The following DPP8 variants were observed in gnomAD, a reference collection of about 807,000 sequenced individuals.
The protein encoded by DPP8 is DPP VIII.
A neutral mutation model predicts 107.5 loss-of-function variants in DPP8; 31 were observed. The observed-to-expected ratio is 0.29, with a 90% CI of 0.22 to 0.39. DPP8 has a LOEUF of 0.39. Among genes scored for constraint, DPP8 ranks in the 10% least tolerant of loss-of-function variants. DPP8 has a pLI of 1.00. For missense variants in DPP8, 842 were observed against 1,076.1 expected, an observed-to-expected ratio of 0.78 and a Z score of 3.04; for synonymous variants, 381 against 356.6, an observed-to-expected ratio of 1.07 and a Z score of -0.77.
intron 4 of DPP8, among the ~76,000 whole-genome samples, chr15:65,499,711 C>T (rs2068996575): frequency 6.6e-6 from 1 of 151,294 alleles, no homozygotes; most frequent in African/African-American, 2.4e-5. Flanking sequence ...ACTACAGGCG[C>T]ATGCTACCTT....
chr15:65,479,486 CTTTA>C (rs1055469373), intron 10 of DPP8, among the ~76,000 whole-genome samples: 3 of 152,208 alleles, frequency 2.0e-5, no homozygotes, highest in South Asian at 2.1e-4. Context: ...AGTGAGATGG[CTTTA>C]TTTATTTTGT....
At position 65,451,876 on chromosome 15, in the gene DPP8, G is replaced by C. The variant is rs996877752; in HGVS notation, c.2414+84C>G. On this transcript the variant is annotated intron_variant, in intron 18 of 19. Transcript: ENST00000300141. ...GGAGTTTGACGCTGCAGGGAGCCCT[G>C]ATCATGCCACTACACTCCAGCCTAA... The C allele has an allele frequency of 1.7e-5, 23 of 1,363,566 alleles. No homozygotes were observed. In the African/African-American group the frequency reaches 3.0e-4, roughly 18 times the overall value. 84.5% of individuals were successfully genotyped at this position (1,363,566 alleles called of 1,614,324 possible).
At chr15:65,472,782 G>GT (rs1487544097) in intron 12 of DPP8, among the ~76,000 whole-genome samples, 5 of 152,178 alleles carry the variant, frequency 3.3e-5, no homozygotes, top group Admixed American at 6.6e-5. Context: ...GTTCACACCT[G>GT]TAACCTCAGC....
At chr15:65,463,679 A>G in intron 15 of DPP8, 82 bp downstream of exon 15, 1 of 1,230,192 alleles carries the variant, frequency 8.1e-7, no homozygotes, top group Admixed American at 2.2e-5. Context: ...AAAATCTTAA[A>G]CTGACTAGAC....
intron 17 of DPP8, among the ~76,000 whole-genome samples, chr15:65,452,868 A>G (rs2064092751): frequency 6.6e-6 from 1 of 152,088 alleles, no homozygotes; most frequent in African/African-American, 2.4e-5. Context: ...GTTACTTGGG[A>G]GGCTGAAGCA....
chr15:65,486,093 CAA>C (rs1210589966), intron 7 of DPP8, among the ~76,000 whole-genome samples: 2 of 91,476 alleles, frequency 2.2e-5, no homozygotes, highest in Admixed American at 1.2e-4. Flanking sequence ...GACTCTGTCT[CAA>C]AAAAAAAAAA....
At position 65,445,484 on chromosome 15, in the gene DPP8, A is replaced by C. The variant is rs1463530008; in HGVS notation, c.*1400T>G. On this transcript the variant is annotated 3_prime_UTR_variant, in exon 20 of 20. Coordinates refer to ENST00000300141, the MANE Select transcript of DPP8 (RefSeq NM_130434.5). ...GCCTATGAGCTCTCTTCATAGCTAAATCCTAGTGCTAAACCAAGAAAAGTT... is the reference window on the plus strand; with the variant it reads ...GCCTATGAGCTCTCTTCATAGCTAACTCCTAGTGCTAAACCAAGAAAAGTT... 20 of 153,552 alleles carry C rather than the reference A, an allele frequency of 1.3e-4. No individual in the cohort carries two copies. The allele number at this position is 153,552 out of a possible 1,614,324, so 9.5% of individuals were successfully genotyped here. A position where few individuals can be genotyped will look rare whatever the true frequency, so the allele number is the denominator to read the frequency against.
At chr15:65,466,476 T>C (rs1397303821) in intron 14 of DPP8, among the ~76,000 whole-genome samples, 1 of 152,132 alleles carries the variant, frequency 6.6e-6, no homozygotes, top group Non-Finnish European at 1.5e-5. Flanking sequence ...GACTTGCTGC[T>C]GCTTGGAGTG....
intron 2 of DPP8, among the ~76,000 whole-genome samples, chr15:65,508,357 G>A (rs1233191949): frequency 6.6e-6 from 1 of 152,100 alleles, no homozygotes. Flanking sequence ...AAATCTCTTT[G>A]TCCTTTATTG....
At chr15:65,454,953 A>G (rs1206246048) in intron 16 of DPP8, among the ~76,000 whole-genome samples, 1 of 152,134 alleles carries the variant, frequency 6.6e-6, no homozygotes, top group Non-Finnish European at 1.5e-5. Flanking sequence ...CCTAGAGTTT[A>G]GTTACCACTT....
intron 8 of DPP8, among the ~76,000 whole-genome samples, chr15:65,482,571 T>C (rs1203859089): frequency 6.6e-6 from 1 of 152,210 alleles, no homozygotes; most frequent in Non-Finnish European, 1.5e-5. Context: ...CCACCGTGCT[T>C]GGCCCATTTG....
chr15:65,496,307 G>A lies in DPP8; in HGVS notation c.715+1557C>T, dbSNP rs116965386. Among the ~76,000 whole-genome samples the A allele has an allele frequency of 1.4e-3, 211 of 152,230 alleles. 2 individuals carry two copies. The East Asian group carries it at 0.016, about 11-fold the overall frequency. On this transcript the variant is annotated intron_variant, in intron 5 of 19. Transcript: ENST00000300141. Reference sequence around the variant, plus strand: ...CTGTAATTAATTTTAACTAATGATTGATGATGATGAGGGGATAATGATTAA... The same window carrying A: ...CTGTAATTAATTTTAACTAATGATTAATGATGATGAGGGGATAATGATTAA...
At chr15:65,516,134 CAT>C (rs2071413875) in intron 1 of DPP8, 2 of 229,926 alleles carry the variant, frequency 8.7e-6, no homozygotes, top group Non-Finnish European at 1.7e-5. Context: ...TCAAAAACGG[CAT>C]ATGATTAATA....
At chr15:65,489,820 C>T (rs1446874908) in intron 6 of DPP8, among the ~76,000 whole-genome samples, 3 of 151,788 alleles carry the variant, frequency 2.0e-5, no homozygotes, top group Non-Finnish European at 4.4e-5. Flanking sequence ...TGGGTTCAGG[C>T]GATTCTCCTG....
Position 65,474,290 on chromosome 15 carries a change from T to A in DPP8, c.1457-2A>T, listed in dbSNP as rs1490332431. The A allele has an allele frequency of 6.3e-7, 1 of 1,585,306 alleles. No individual in the cohort carries two copies. Among genetic ancestry groups the A allele is most frequent in the East Asian group, 2.2e-5 (1 of 44,714 alleles). ...CTTTGATAGGACACTTGAAATCACC[T>A]GAAGATAAATATAATTATAATTCAG... On this transcript the variant is annotated splice_acceptor_variant, in intron 11 of 19. Coordinates refer to ENST00000300141, the MANE Select transcript of DPP8 (RefSeq NM_130434.5). LOFTEE classifies it high-confidence loss of function.
chr15:65,470,673 C>T (rs1464415111), intron 12 of DPP8, among the ~76,000 whole-genome samples: 2 of 150,936 alleles, frequency 1.3e-5, no homozygotes, highest in East Asian at 3.9e-4. Flanking sequence ...AATCCTAGCA[C>T]TCTGGGAGGC....
intron 12 of DPP8, among the ~76,000 whole-genome samples, chr15:65,472,876 A>G (rs1272563287): frequency 1.3e-5 from 2 of 152,104 alleles, no homozygotes; most frequent in Non-Finnish European, 2.9e-5. Context: ...CCCGTCTACA[A>G]AAAATACAAA....
intron 12 of DPP8, among the ~76,000 whole-genome samples, chr15:65,468,174 A>C (rs1567175731): frequency 6.6e-6 from 1 of 152,110 alleles, no homozygotes; most frequent in Non-Finnish European, 1.5e-5. Flanking sequence ...TGTTCCTATA[A>C]ATCTTCTACC....
intron 1 of DPP8, chr15:65,517,269 A>C (rs931802314): frequency 1.3e-5 from 2 of 152,428 alleles, no homozygotes; most frequent in African/African-American, 2.4e-5. Flanking sequence ...GTTGACTCGG[A>C]ATCTCAGAGC....
Sources: allele counts gnomAD v4.1 joint callset (sites outside exome capture counted in the v4.1 genomes callset), GRCh38; gene constraint gnomAD v4.1.1; transcripts MANE v1.5; gene names NCBI Gene and HGNC (gene_info 2026-07-23, HGNC 2026-07-21).